The following PRMT8 variants were observed in gnomAD, a reference collection of about 807,000 sequenced individuals.
PRMT8 encodes protein arginine methyltransferase 8.
In PRMT8, 7 loss-of-function variants were observed where a neutral mutation model predicts 47.1. That is an observed-to-expected ratio of 0.15 (90% CI 0.08 to 0.28). The LOEUF is 0.28. Ranked by LOEUF, PRMT8 falls within the 10% of genes least tolerant of loss-of-function variation. PRMT8 has a pLI of 1.00. For synonymous variants in PRMT8, 188 were observed against 186.5 expected (o/e 1.01, Z -0.07); for missense variants, 237 against 505.4 (o/e 0.47, Z 5.09).
chr12:3,568,393 C>T (rs552376242), intron 4 of PRMT8, among the ~76,000 whole-genome samples: 1 of 101,978 alleles, frequency 9.8e-6, no homozygotes, highest in Admixed American at 9.0e-5. Context: ...AGTTCAAAGC[C>T]AGGTTGTTAA....
chr12:3,499,177 A>ATT (rs72188429), intron 1 of PRMT8, among the ~76,000 whole-genome samples: 6 of 128,586 alleles, frequency 4.7e-5, no homozygotes, highest in African/African-American at 1.5e-4. Context: ...TTATTTATTT[A>ATT]TTTTTTTTTT....
chr12:3,563,395 A>T (rs532252911), intron 4 of PRMT8, among the ~76,000 whole-genome samples: 1 of 151,674 alleles, frequency 6.6e-6, no homozygotes, highest in South Asian at 2.1e-4. Context: ...GAGGGGTACT[A>T]TATTGTGGAA....
intron 1 of PRMT8, among the ~76,000 whole-genome samples, chr12:3,402,320 T>C (rs1864325796): frequency 6.6e-6 from 1 of 152,186 alleles, no homozygotes; most frequent in African/African-American, 2.4e-5. Flanking sequence ...TATACAAAAA[T>C]TAACTCAAGA....
chr12:3,475,934 C>A (rs7964262), intron 1 of PRMT8, among the ~76,000 whole-genome samples: 1 of 152,118 alleles, frequency 6.6e-6, no homozygotes, highest in Non-Finnish European at 1.5e-5. Flanking sequence ...TGTTTATAGA[C>A]ACCTTTTCCA....
At chr12:3,490,094 A>C (rs1266379966), upstream of PRMT8, among the ~76,000 whole-genome samples, 1 of 152,178 alleles carries the variant, frequency 6.6e-6, no homozygotes, top group Non-Finnish European at 1.5e-5. Context: ...AAAAGCAAAT[A>C]GGGCATTTGG....
intron 1 of PRMT8, among the ~76,000 whole-genome samples, chr12:3,528,397 A>G (rs1222995063): frequency 6.6e-6 from 1 of 151,948 alleles, no homozygotes; most frequent in Admixed American, 6.6e-5. Flanking sequence ...CCTTGTGTCA[A>G]GTTCACTAAT....
At chr12:3,509,372 C>T (rs1865676576) in intron 1 of PRMT8, among the ~76,000 whole-genome samples, 1 of 152,120 alleles carries the variant, frequency 6.6e-6, no homozygotes, top group African/African-American at 2.4e-5. Flanking sequence ...AGAAGGCTTT[C>T]CTGCTACCAC....
intron 2 of PRMT8, among the ~76,000 whole-genome samples, chr12:3,548,108 AC>A (rs889548270): frequency 2.0e-5 from 3 of 152,210 alleles, no homozygotes; most frequent in Non-Finnish European, 4.4e-5. Flanking sequence ...GGTAAAGGTG[AC>A]AAGGTGATTA....
Position 3,550,182 on chromosome 12 carries a change from T to C in PRMT8, c.417+91T>C, listed in dbSNP as rs1325064493. ...CCCGCCCTTCTAGAAGTACAAAATT[T>C]GGTCCATCTCTTTTGCTGGGGTCAC... On this transcript the variant is annotated intron_variant, in intron 3 of 9. Coordinates refer to ENST00000382622, the MANE Select transcript of PRMT8 (RefSeq NM_019854.5). The surrounding 1 kb of genome is among the most constrained non-coding windows in gnomAD (Gnocchi z 5.1). 1 of 1,539,276 alleles carries C rather than the reference T, an allele frequency of 6.5e-7. No individual in the cohort carries two copies. The highest frequency in any genetic ancestry group is 1.8e-5 in the Admixed American group (1 of 55,348).
chr12:3,516,916 A>G (rs997031253), intron 1 of PRMT8, among the ~76,000 whole-genome samples: 5 of 152,196 alleles, frequency 3.3e-5, no homozygotes, highest in African/African-American at 7.2e-5. Context: ...CTGCCCAGCT[A>G]CTTAGGTCAT....
chr12:3,486,886 T>C (rs2137105680), upstream of PRMT8, among the ~76,000 whole-genome samples: 1 of 152,320 alleles, frequency 6.6e-6, no homozygotes, highest in Middle Eastern at 3.4e-3. Context: ...AGAAATAACA[T>C]TCTGGTTTTA....
chr12:3,574,972 C>G (rs1866912526), intron 6 of PRMT8, among the ~76,000 whole-genome samples: 1 of 152,198 alleles, frequency 6.6e-6, no homozygotes, highest in Non-Finnish European at 1.5e-5. Context: ...GGGTGGATAG[C>G]TATTTCCACA....
At chr12:3,412,514 T>C (rs145708077) in intron 1 of PRMT8, among the ~76,000 whole-genome samples, 1 of 152,402 alleles carries the variant, frequency 6.6e-6, no homozygotes, top group Non-Finnish European at 1.5e-5. Context: ...ACTTTTTGAC[T>C]CTTTTGTAAT....
chr12:3,557,795 C>G lies in PRMT8; in HGVS notation c.481+4081C>G, dbSNP rs1417398515. Among the ~76,000 whole-genome samples the G allele has an allele frequency of 6.6e-6, 1 of 152,014 alleles. No homozygotes were observed. Among genetic ancestry groups the G allele is most frequent in the Non-Finnish European group, 1.5e-5 (1 of 67,990 alleles). On this transcript the variant is annotated intron_variant, in intron 4 of 9. Coordinates refer to ENST00000382622, the MANE Select transcript of PRMT8 (RefSeq NM_019854.5). The surrounding 1 kb of genome is among the most constrained non-coding windows in gnomAD (Gnocchi z 4.7). ...GGATGCAGAAGCACCAGGAGTGCTG[C>G]TGAGCCTGAAAGCCTGTTGGGAGGG...
rs145418380 is a variant in PRMT8, at chr12:3,535,787, C to T, written c.76-4819C>T. Among the ~76,000 whole-genome samples the T allele has an allele frequency of 7.7e-3, 1,173 of 152,278 alleles. 9 individuals carry two copies. Among genetic ancestry groups the T allele is most frequent in the African/African-American group, 0.025 (1,056 of 41,550 alleles). On this transcript the variant is annotated intron_variant, in intron 1 of 9. Transcript: ENST00000382622. The surrounding 1 kb of genome is among the most constrained non-coding windows in gnomAD (Gnocchi z 4.7). ...AGCTGCAGCCATGAGCAGACCAAGA[C>T]GCTGATGTTGAGAGTCCAGCTGCCC...
chr12:3,521,710 G>A (rs1471840076), intron 1 of PRMT8, among the ~76,000 whole-genome samples: 2 of 152,224 alleles, frequency 1.3e-5, no homozygotes, highest in Non-Finnish European at 2.9e-5. Flanking sequence ...AAGACCTCCT[G>A]AGTTAAGGCC....
intron 7 of PRMT8, among the ~76,000 whole-genome samples, chr12:3,579,499 G>C: frequency 6.6e-6 from 1 of 152,000 alleles, no homozygotes; most frequent in East Asian, 1.9e-4. Context: ...GAAAACTCCC[G>C]GGGCTCTGGT....
rs192010479 is a variant in PRMT8, at chr12:3,562,547, G to A, written c.482-6159G>A. ...AGCATGGAATAATTGAGAAAATGGG[G>A]ATGTGTTTTTTCCAATTGGGTGGTT... On this transcript the variant is annotated intron_variant, in intron 4 of 9. Transcript: ENST00000382622. 9.5e-4 allele frequency among the ~76,000 whole-genome samples: 145 copies of A among 152,246 alleles called. 1 individual carries two copies. The highest frequency in any genetic ancestry group is 3.3e-3 in the African/African-American group (139 of 41,548).
intron 1 of PRMT8, among the ~76,000 whole-genome samples, chr12:3,434,748 C>CGT (rs1555079428): frequency 6.8e-6 from 1 of 147,198 alleles, no homozygotes. Context: ...GAAGCCCCAT[C>CGT]TTTTTTTTTT....
Sources: gnomAD v4.1 joint callset for allele counts (sites outside exome capture counted in the v4.1 genomes callset) on GRCh38, gnomAD v4.1.1 for gene constraint, Gnocchi (gnomAD v3.1) non-coding constraint, MANE v1.5 for transcripts, NCBI Gene and HGNC (gene_info 2026-07-23, HGNC 2026-07-21) for gene names.